Variants in TRAFD1 observed in about 807,000 individuals in gnomAD.
The protein encoded by TRAFD1 is TRAF-type zinc finger domain-containing protein 1.
In TRAFD1, 38 loss-of-function variants were observed where a neutral mutation model predicts 65.3. That is an observed-to-expected ratio of 0.58 (90% CI 0.45 to 0.76). TRAFD1 has a LOEUF of 0.76. Among genes scored for constraint, TRAFD1 ranks in the 30% least tolerant of loss-of-function variants. The probability of loss-of-function intolerance (pLI) is 0.00; values close to 1 mark genes in which losing one functional copy is unlikely to be tolerated. For missense variants in TRAFD1, 631 were observed against 712.6 expected (o/e 0.89, Z 1.30); for synonymous variants, 223 against 257.2 (o/e 0.87, Z 1.27).
chr12:112,144,362 G>A (rs2136978069), intron 6 of TRAFD1, among the ~76,000 whole-genome samples: 1 of 151,726 alleles, frequency 6.6e-6, no homozygotes, highest in East Asian at 1.9e-4. Context: ...CTCCGCCTCT[G>A]GGGTTCAAGT....
intron 7 of TRAFD1, among the ~76,000 whole-genome samples, chr12:112,146,705 A>G (rs1053936654): frequency 4.3e-4 from 66 of 152,164 alleles, no homozygotes; most frequent in African/African-American, 1.6e-3. Flanking sequence ...AGGTACTATG[A>G]AGGCTAGGTC....
Position 112,142,088 on chromosome 12 carries a change from G to C in TRAFD1, c.644-1G>C, listed in dbSNP as rs1451932948. The C allele has an allele frequency of 1.2e-6, 2 of 1,606,348 alleles. No individual in the cohort carries two copies. Among genetic ancestry groups the C allele is most frequent in the Admixed American group, 1.7e-5 (1 of 58,670 alleles). On this transcript the variant is annotated splice_acceptor_variant, in intron 5 of 11. Transcript: ENST00000412615. LOFTEE classifies it high-confidence loss of function. ...AATGTTGGTTGGTTTTTTTTTTTCA[G>C]TTGAAGAACAAGAGAGGCAGGAAAG...
chr12:112,147,986 T>C, intron 7 of TRAFD1, 88 bp from the exon 8 acceptor site: 1 of 1,273,222 alleles, frequency 7.9e-7, no homozygotes, highest in Non-Finnish European at 1.1e-6. Flanking sequence ...GTTAAAATTA[T>C]ATGACTTCTT....
intron 6 of TRAFD1, among the ~76,000 whole-genome samples, chr12:112,143,936 C>T (rs766749118): frequency 5.9e-5 from 9 of 151,760 alleles, no homozygotes; most frequent in Non-Finnish European, 1.3e-4. Flanking sequence ...CCATGTTGCC[C>T]AGGCTAGTCT....
intron 5 of TRAFD1, chr12:112,141,876 A>T: frequency 1.8e-6 from 1 of 551,518 alleles, no homozygotes; most frequent in Non-Finnish European, 3.2e-6. Flanking sequence ...TTGCTTAATA[A>T]TACAGTTAGA....
chr12:112,146,374 G>A (rs1194380567), intron 7 of TRAFD1, among the ~76,000 whole-genome samples: 1 of 146,218 alleles, frequency 6.8e-6, no homozygotes, highest in East Asian at 1.9e-4. Flanking sequence ...CAAAAAAAAA[G>A]GGGGGGGCAG....
At position 112,152,045 on chromosome 12, in the gene TRAFD1, T is replaced by G; in HGVS notation, c.1524T>G (p.Pro508=). 1 of 1,614,226 alleles carries G rather than the reference T, an allele frequency of 6.2e-7. No individual in the cohort carries two copies. The highest frequency in any genetic ancestry group is 8.5e-7 in the Non-Finnish European group (1 of 1,180,042). Residue 508 remains proline (P), a synonymous_variant, in exon 10 of 12, where the codon CCT becomes CCG. Coordinates refer to ENST00000412615, the MANE Select transcript of TRAFD1 (RefSeq NM_006700.3). The surrounding 1 kb of genome is among the most constrained non-coding windows in gnomAD (Gnocchi z 5.0). ...ACAGCCAGAATGGGGCCATAGCCCC[T>G]GGGCACGTTTCAGTGATTCGCCCTC... The part of the protein sequence containing the change: ...NRDSQNGAIA[P]GHVSVIRPPQ...
At chr12:112,141,659 T>C (rs527892077) in intron 5 of TRAFD1, among the ~76,000 whole-genome samples, 1 of 152,350 alleles carries the variant, frequency 6.6e-6, no homozygotes, top group East Asian at 1.9e-4. Flanking sequence ...AACCTGTATC[T>C]TATTTCCCTT....
chr12:112,149,635 C>A, intron 8 of TRAFD1, 116 bp from the exon 9 acceptor site: 1 of 1,412,070 alleles, frequency 7.1e-7, no homozygotes, highest in Non-Finnish European at 9.7e-7. Flanking sequence ...CCAGAACTTT[C>A]AGAGGTTGTC....
At chr12:112,132,239 A>G (rs1427922955) in intron 2 of TRAFD1, among the ~76,000 whole-genome samples, 1 of 152,174 alleles carries the variant, frequency 6.6e-6, no homozygotes, top group East Asian at 1.9e-4. Flanking sequence ...TATGTAACTT[A>G]GCTATTCCTT....
Position 112,152,414 on chromosome 12 carries a change from T to C in TRAFD1, c.1620-13T>C. ...GACACTTCAGGAGCTAGTTTCTAAT[T>C]GTTTTCTTTCAGTGGTAGGAGTGAA... On this transcript the variant is annotated splice_polypyrimidine_tract_variant and intron_variant, in intron 10 of 11. Coordinates refer to ENST00000412615, the MANE Select transcript of TRAFD1 (RefSeq NM_006700.3). This position sits in a 1 kb window ranked among gnomAD's most constrained non-coding sequence, Gnocchi z 5.0. 2 of 1,611,966 alleles carry C rather than the reference T, an allele frequency of 1.2e-6. No individual in the cohort carries two copies. Among genetic ancestry groups the C allele is most frequent in the Non-Finnish European group, 1.7e-6 (2 of 1,180,026 alleles).
chr12:112,140,978 G>C lies in TRAFD1; in HGVS notation c.397G>C (p.Glu133Gln), dbSNP rs780551409. The C allele has an allele frequency of 1.2e-6, 2 of 1,614,086 alleles. No individual in the cohort carries two copies. The highest frequency in any genetic ancestry group is 4.5e-5 in the East Asian group (2 of 44,902). The change falls in exon 5 of 12, where the codon GAA becomes CAA. Residue 133 changes from glutamate to glutamine, a missense_variant. Transcript: ENST00000412615. ...VLVKDLKTHPEVCGREGEEKR... is the reference protein window; with the variant it reads ...VLVKDLKTHPQVCGREGEEKR... ...TGTGAAAGATCTGAAGACTCACCCT[G>C]AAGTTTGTGGGAGAGAGGGGGAGGA...
At chr12:112,132,446 A>G (rs2079571217) in intron 2 of TRAFD1, among the ~76,000 whole-genome samples, 1 of 152,228 alleles carries the variant, frequency 6.6e-6, no homozygotes, top group Non-Finnish European at 1.5e-5. Flanking sequence ...TCATTTCACA[A>G]CATCTTTAAA....
At chr12:112,147,678 T>G (rs1304189576) in intron 7 of TRAFD1, among the ~76,000 whole-genome samples, 2 of 151,642 alleles carry the variant, frequency 1.3e-5, no homozygotes. Flanking sequence ...AAAAATTTTT[T>G]TTTTTTTTTT....
chr12:112,141,174 C>T lies in TRAFD1; in HGVS notation c.593C>T (p.Thr198Ile), dbSNP rs2030078488. The change falls in exon 5 of 12, where the codon ACT becomes ATT. Residue 198 changes from threonine to isoleucine, a missense_variant. Transcript: ENST00000412615. ...AFESDVFHNRTTNQRNITAQV... is the reference protein window; with the variant it reads ...AFESDVFHNRITNQRNITAQV... ...GAATCAGATGTTTTCCACAATAGAA[C>T]TACCAACCAAAGGAACATTACAGCC... The T allele has an allele frequency of 6.2e-6, 10 of 1,614,152 alleles. No individual in the cohort carries two copies. Among genetic ancestry groups the T allele is most frequent in the Non-Finnish European group, 8.5e-6 (10 of 1,180,020 alleles).
At position 112,127,548 on chromosome 12, in the gene TRAFD1, C is replaced by T. The variant is rs146679992; in HGVS notation, c.-13+1930C>T. Among the ~76,000 whole-genome samples, 644 of 151,886 alleles carry T rather than the reference C, an allele frequency of 4.2e-3. 2 individuals are homozygous for T. Among genetic ancestry groups the T allele is most frequent in the Non-Finnish European group, 6.8e-3 (465 of 67,968 alleles). On this transcript the variant is annotated intron_variant, in intron 1 of 11. Coordinates refer to ENST00000412615, the MANE Select transcript of TRAFD1 (RefSeq NM_006700.3). ...GATCACAACTCACTCACTGTAGCCTCGACCTCCTGGGCTCAAGCCTCCCAA... is the reference window on the plus strand; with the variant it reads ...GATCACAACTCACTCACTGTAGCCTTGACCTCCTGGGCTCAAGCCTCCCAA...
chr12:112,129,995 G>A (rs1041829515), intron 1 of TRAFD1, among the ~76,000 whole-genome samples: 1 of 151,524 alleles, frequency 6.6e-6, no homozygotes, highest in East Asian at 1.9e-4. Flanking sequence ...TGTCACCCAG[G>A]CTGGAGTGCA....
At chr12:112,136,648 G>A (rs142160663) in intron 4 of TRAFD1, among the ~76,000 whole-genome samples, 47 of 152,204 alleles carry the variant, frequency 3.1e-4, no homozygotes, top group African/African-American at 1.1e-3. Context: ...ACCCAGGCTA[G>A]CATGCAATGG....
Position 112,140,808 on chromosome 12 carries a change from C to T in TRAFD1, c.238-11C>T, listed in dbSNP as rs543344272. 12 of 1,612,190 alleles carry T rather than the reference C, an allele frequency of 7.4e-6. No homozygotes were observed. Among genetic ancestry groups the T allele is most frequent in the Non-Finnish European group, 1.0e-5 (12 of 1,178,480 alleles). On this transcript the variant is annotated splice_polypyrimidine_tract_variant and intron_variant, in intron 4 of 11. Coordinates refer to ENST00000412615, the MANE Select transcript of TRAFD1 (RefSeq NM_006700.3). ...TATGCATATTAACTGCCTCATTCCT[C>T]TGTTTTGTAGGAGACTGAGTGCCCT...
Sources: allele counts gnomAD v4.1 joint callset (sites outside exome capture counted in the v4.1 genomes callset), GRCh38; gene constraint gnomAD v4.1.1; non-coding constraint Gnocchi (gnomAD v3.1); transcripts MANE v1.5; gene names NCBI Gene and HGNC (gene_info 2026-07-23, HGNC 2026-07-21).